Variants in OPCML observed in about 807,000 individuals in gnomAD.
OPCML encodes the protein opioid-binding protein/cell adhesion molecule.
A neutral mutation model predicts 37.8 loss-of-function variants in OPCML; 13 were observed. The ratio of observed to expected loss-of-function variants is 0.34; its 90% confidence interval spans 0.22 to 0.55. OPCML has a LOEUF of 0.55. OPCML is among the 20% of genes least tolerant of loss of function. The pLI is 0.91. For synonymous variants in OPCML, 176 were observed against 168.8 expected, an observed-to-expected ratio of 1.04 and a Z score of -0.33; for missense variants, 341 against 435.6, an observed-to-expected ratio of 0.78 and a Z score of 1.93.
In OPCML at chr11:133,011,867, C is replaced by T. The variant is rs2136876754; in HGVS notation, c.62-68857G>A. On this transcript the variant is annotated intron_variant, in intron 1 of 7. Transcript: ENST00000524381. ...CATTGAAAGGCTCTAGAAAAGTTGACTAAGTATACTAGAAGATTAATGTGT... is the reference window on the plus strand; with the variant it reads ...CATTGAAAGGCTCTAGAAAAGTTGATTAAGTATACTAGAAGATTAATGTGT... Among the ~76,000 whole-genome samples the T allele has an allele frequency of 2.0e-5, 3 of 152,298 alleles. 1 individual carries two copies. The South Asian group carries it at 6.2e-4, about 32-fold the overall frequency.
At chr11:132,544,911 G>T (rs989750586) in intron 3 of OPCML, among the ~76,000 whole-genome samples, 1 of 152,150 alleles carries the variant, frequency 6.6e-6, no homozygotes, top group Non-Finnish European at 1.5e-5. Context: ...ATGGCCTTGA[G>T]AAGGAAAGGA....
intron 2 of OPCML, among the ~76,000 whole-genome samples, chr11:132,824,921 G>A (rs1316385521): frequency 1.3e-5 from 2 of 152,010 alleles, no homozygotes; most frequent in Non-Finnish European, 2.9e-5. Flanking sequence ...TGTCTGGAAG[G>A]CCTCCCAGGT....
intron 1 of OPCML, among the ~76,000 whole-genome samples, chr11:132,983,877 GA>G (rs1324137412): frequency 3.9e-5 from 6 of 152,170 alleles, no homozygotes; most frequent in Admixed American, 2.0e-4. Flanking sequence ...AACAAAGAAA[GA>G]GATTAAAGAA....
rs1949809660 is a variant in OPCML, at chr11:133,141,048, C to CGACGAAGACGAAGAAGAAGAAGAA, written c.62-198039_62-198038insTTCTTCTTCTTCTTCGTCTTCGTC. On this transcript the variant is annotated intron_variant, in intron 1 of 7. Transcript: ENST00000524381. ...ACGACGACGACGACGACGACGACGA[C>CGACGAAGACGAAGAAGAAGAAGAA]GAAGAAGAAGAAGAAGAAGAAGAAG... is the stretch of plus-strand genomic sequence containing the variant. Among the ~76,000 whole-genome samples the CGACGAAGACGAAGAAGAAGAAGAA allele has an allele frequency of 3.5e-4, 2 of 5,776 alleles. 1 individual carries two copies. The highest frequency in any genetic ancestry group is 6.5e-4 in the African/African-American group (2 of 3,092). 3.8% of individuals were successfully genotyped at this position (5,776 alleles called of 152,430 possible). A position where few individuals can be genotyped will look rare whatever the true frequency, so the allele number is the denominator to read the frequency against.
In OPCML at chr11:133,350,196, C is replaced by T. The variant is rs190028823; in HGVS notation, c.61+182068G>A. ...TGCATTGGAATTCTGCTAAATGGCA[C>T]TAAATGTCTTCGAAATCAAAAGGAG... On this transcript the variant is annotated intron_variant, in intron 1 of 7. Transcript: ENST00000524381. Among the ~76,000 whole-genome samples, 4 of 152,302 alleles carry T rather than the reference C, an allele frequency of 2.6e-5. No individual in the cohort carries two copies. The East Asian group carries it at 7.7e-4, about 29-fold the overall frequency.
intron 4 of OPCML, among the ~76,000 whole-genome samples, chr11:132,455,604 C>A (rs896397801): frequency 6.6e-6 from 1 of 152,116 alleles, no homozygotes; most frequent in Non-Finnish European, 1.5e-5. Context: ...ATGCCAGTCC[C>A]GTCATTTTCA....
intron 1 of OPCML, among the ~76,000 whole-genome samples, chr11:133,204,563 T>C (rs1042587891): frequency 5.9e-5 from 9 of 152,140 alleles, no homozygotes; most frequent in African/African-American, 1.9e-4. Flanking sequence ...AACAGAACTA[T>C]GCAAACAGTG....
intron 4 of OPCML, among the ~76,000 whole-genome samples, chr11:132,480,874 A>G (rs1352188751): frequency 2.6e-5 from 4 of 152,164 alleles, no homozygotes; most frequent in Admixed American, 6.5e-5. Flanking sequence ...ATGAAGCGCT[A>G]AACATGGAAA....
intron 2 of OPCML, among the ~76,000 whole-genome samples, chr11:132,798,045 G>A (rs1043016802): frequency 9.9e-5 from 15 of 152,054 alleles, no homozygotes; most frequent in African/African-American, 3.6e-4. Flanking sequence ...AAACCCTGCT[G>A]CTGATTTATT....
At chr11:132,421,088 T>C (rs1265282361) in intron 7 of OPCML, among the ~76,000 whole-genome samples, 1 of 152,028 alleles carries the variant, frequency 6.6e-6, no homozygotes, top group Non-Finnish European at 1.5e-5. Context: ...TCTTTTCCCC[T>C]CACCTTCCAT....
At position 133,008,909 on chromosome 11, in the gene OPCML, A is replaced by G. The variant is rs556446645; in HGVS notation, c.62-65899T>C. Reference sequence around the variant, plus strand: ...CTGGTCATATGAGTGATCTGCACATAAACACACCTGATTAAGGAGTCACAG... The same window carrying G: ...CTGGTCATATGAGTGATCTGCACATGAACACACCTGATTAAGGAGTCACAG... On this transcript the variant is annotated intron_variant, in intron 1 of 7. Coordinates refer to ENST00000524381, the MANE Select transcript of OPCML (RefSeq NM_001012393.5). 16 of 985,440 alleles carry G rather than the reference A, an allele frequency of 1.6e-5. No homozygotes were observed. In the South Asian group the frequency reaches 7.0e-4, roughly 43 times the overall value. The allele number at this position is 985,440 out of a possible 1,614,324, so 61.0% of individuals were successfully genotyped here.
rs1479829413 is a variant in OPCML at position 133,454,755 on chromosome 11, C to G, written c.61+77509G>C. Among the ~76,000 whole-genome samples the G allele has an allele frequency of 9.2e-5, 14 of 152,090 alleles. 1 individual carries two copies. Among genetic ancestry groups the G allele is most frequent in the Admixed American group, 8.5e-4 (13 of 15,268 alleles). On this transcript the variant is annotated intron_variant, in intron 1 of 7. Coordinates refer to ENST00000524381, the MANE Select transcript of OPCML (RefSeq NM_001012393.5). Reference sequence around the variant, plus strand: ...GCTATATCACGATGTCTTTGGAGGACTTTAAGAATAAGGTCAAACATTCAT... The same window carrying G: ...GCTATATCACGATGTCTTTGGAGGAGTTTAAGAATAAGGTCAAACATTCAT...
chr11:132,644,305 A>ACCC (rs1941027038), intron 3 of OPCML, among the ~76,000 whole-genome samples: 2 of 152,010 alleles, frequency 1.3e-5, no homozygotes, highest in African/African-American at 4.8e-5. Flanking sequence ...TCTGTTAATC[A>ACCC]CCCTTCATCT....
chr11:132,467,353 G>A (rs185190863), intron 4 of OPCML, among the ~76,000 whole-genome samples: 1 of 152,308 alleles, frequency 6.6e-6, no homozygotes, highest in East Asian at 1.9e-4. Context: ...TCACACTCCA[G>A]TTACCTAATT....
At chr11:132,897,293 G>A (rs890009126) in intron 2 of OPCML, among the ~76,000 whole-genome samples, 1 of 152,158 alleles carries the variant, frequency 6.6e-6, no homozygotes, top group African/African-American at 2.4e-5. Flanking sequence ...CAGCTACTGG[G>A]CCTTAATAGA....
At chr11:133,386,607 A>G (rs1218231133) in intron 1 of OPCML, among the ~76,000 whole-genome samples, 1 of 152,150 alleles carries the variant, frequency 6.6e-6, no homozygotes, top group Non-Finnish European at 1.5e-5. Flanking sequence ...CTCTCTTGAT[A>G]ATTGGCAGGT....
At chr11:132,834,864 G>T (rs1459042972) in intron 2 of OPCML, among the ~76,000 whole-genome samples, 17 of 152,086 alleles carry the variant, frequency 1.1e-4, no homozygotes, top group African/African-American at 3.6e-4. Context: ...ACATTTAGCA[G>T]TGCAATGACA....
At chr11:133,321,256 G>A (rs1268516040) in intron 1 of OPCML, among the ~76,000 whole-genome samples, 1 of 152,200 alleles carries the variant, frequency 6.6e-6, no homozygotes, top group Non-Finnish European at 1.5e-5. Context: ...GTGCTGGACA[G>A]AGTAAGATTC....
intron 3 of OPCML, among the ~76,000 whole-genome samples, chr11:132,633,547 G>A (rs139190113): frequency 6.6e-6 from 1 of 152,176 alleles, no homozygotes; most frequent in African/African-American, 2.4e-5. Context: ...CACAGGAAGT[G>A]CGAGGAGGCC....
Sources: allele counts gnomAD v4.1 joint callset (sites outside exome capture counted in the v4.1 genomes callset), GRCh38; gene constraint gnomAD v4.1.1; transcripts MANE v1.5; gene names NCBI Gene and HGNC (gene_info 2026-07-23, HGNC 2026-07-21).